Variants in CDC42EP4 observed in about 807,000 individuals in gnomAD.
The protein encoded by CDC42EP4 is CDC42 effector protein (Rho GTPase binding) 4.
A neutral mutation model predicts 5.6 loss-of-function variants in CDC42EP4; 6 were observed. The observed-to-expected ratio is 1.07, with a 90% CI of 0.59 to 2.12. The LOEUF is 2.12. Among genes scored for constraint, CDC42EP4 ranks in the 30% most tolerant of loss-of-function variants. The pLI, the probability that CDC42EP4 is intolerant of heterozygous loss-of-function variation, is 0.00. For missense variants in CDC42EP4, 490 were observed against 508.6 expected, an observed-to-expected ratio of 0.96 and a Z score of 0.35; for synonymous variants, 230 against 224.2, an observed-to-expected ratio of 1.03 and a Z score of -0.23.
In CDC42EP4 at chr17:73,285,741, G is replaced by A; in HGVS notation, c.760C>T (p.Pro254Ser). 6.3e-7 allele frequency: 1 copy of A among 1,588,308 alleles called. No homozygotes were observed. The highest frequency in any genetic ancestry group is 8.6e-7 in the Non-Finnish European group (1 of 1,162,028). ...GAAGTITQAP[P>S]YAVAAPPLAR... ...AGGGGAGGGGCCGCCACGGCGTACG[G>A]GGGAGCCTGGGTGATGGTGCCAGCG... Residue 254 changes from proline to serine, a missense_variant, in exon 2 of 2, where the codon CCG becomes TCG. Physicochemically the swap from Pro to Ser is moderately conservative, Grantham distance 74. Coordinates refer to ENST00000335793, the MANE Select transcript of CDC42EP4 (RefSeq NM_012121.5). This position sits in a 1 kb window ranked among gnomAD's most constrained non-coding sequence, Gnocchi z 6.8.
rs146782509 is a variant in CDC42EP4, at chr17:73,284,478, T to G, written c.*952A>C. On this transcript the variant is annotated 3_prime_UTR_variant, in exon 2 of 2. Transcript: ENST00000335793. ...CCACCCCATGTCATTCTAAATAAAG[T>G]TGGGAAGCACTAAAGTTGAGCTGGT... is the stretch of plus-strand genomic sequence containing the variant. 4 of 152,076 alleles carry G rather than the reference T, an allele frequency of 2.6e-5. No individual in the cohort carries two copies. The allele number at this position is 152,076 out of a possible 1,614,324, so 9.4% of individuals were successfully genotyped here. A position where few individuals can be genotyped will look rare whatever the true frequency, so the allele number is the denominator to read the frequency against.
rs551851422 is a variant in CDC42EP4, at chr17:73,284,742, T to G, written c.*688A>C. On this transcript the variant is annotated 3_prime_UTR_variant, in exon 2 of 2. Coordinates refer to ENST00000335793, the MANE Select transcript of CDC42EP4 (RefSeq NM_012121.5). ...TGAGCGAGTGCCCTAGCCCTGTTCC[T>G]AGTGTCATCCTGGAAGGGTCCCTTC... The G allele has an allele frequency of 6.6e-5, 10 of 152,358 alleles. No individual in the cohort carries two copies. Among genetic ancestry groups the G allele is most frequent in the African/African-American group, 2.2e-4 (9 of 41,574 alleles). The allele number at this position is 152,358 out of a possible 1,614,324, so 9.4% of individuals were successfully genotyped here. A position where few individuals can be genotyped will look rare whatever the true frequency, so the allele number is the denominator to read the frequency against.
rs1478144804 is a variant in CDC42EP4 at position 73,284,872 on chromosome 17, C to T, written c.*558G>A. 2 of 152,288 alleles carry T rather than the reference C, an allele frequency of 1.3e-5. No individual in the cohort carries two copies. The highest frequency in any genetic ancestry group is 2.9e-5 in the Non-Finnish European group (2 of 68,088). 9.4% of individuals were successfully genotyped at this position (152,288 alleles called of 1,614,324 possible). On this transcript the variant is annotated 3_prime_UTR_variant, in exon 2 of 2. Coordinates refer to ENST00000335793, the MANE Select transcript of CDC42EP4 (RefSeq NM_012121.5). ...CACATGCTCGCAGCTGGCCCCCCGT[C>T]CAGCTCAGCTCCAAGGGGCTCCAGA...
chr17:73,294,373 C>CA, intron 1 of CDC42EP4, among the ~76,000 whole-genome samples: 1 of 151,098 alleles, frequency 6.6e-6, no homozygotes, highest in Admixed American at 6.6e-5. Context: ...AACAAAGAAA[C>CA]AAAAAAACAA....
At chr17:73,293,462 A>G (rs1423393072) in intron 1 of CDC42EP4, among the ~76,000 whole-genome samples, 1 of 152,212 alleles carries the variant, frequency 6.6e-6, no homozygotes, top group Non-Finnish European at 1.5e-5. Flanking sequence ...ATGGGACTCC[A>G]GGCCTTCCAG....
At chr17:73,302,617 G>A (rs960588782) in intron 1 of CDC42EP4, among the ~76,000 whole-genome samples, 1 of 152,202 alleles carries the variant, frequency 6.6e-6, no homozygotes, top group Non-Finnish European at 1.5e-5. Context: ...TGGGACTACA[G>A]GTGTGCACCA....
Position 73,285,964 on chromosome 17 carries a change from G to C in CDC42EP4, c.537C>G (p.Leu179=). ...AAGPHSPDPL[L]DEQAFGDLTD... is the part of the protein sequence containing the mutation. ...TCAGATCCCCAAAGGCCTGCTCATC[G>C]AGGAGGGGGTCAGGGGAATGTGGAC... The change falls in exon 2 of 2, where the codon CTC becomes CTG. Residue 179 remains leucine, a synonymous_variant. Coordinates refer to ENST00000335793, the MANE Select transcript of CDC42EP4 (RefSeq NM_012121.5). The surrounding 1 kb of genome is among the most constrained non-coding windows in gnomAD (Gnocchi z 6.8). The C allele has an allele frequency of 6.2e-7, 1 of 1,613,642 alleles. No individual in the cohort carries two copies. Among genetic ancestry groups the C allele is most frequent in the Non-Finnish European group, 8.5e-7 (1 of 1,179,938 alleles).
chr17:73,308,331 T>C lies in CDC42EP4; in HGVS notation c.-113+3562A>G, dbSNP rs138001211. On this transcript the variant is annotated intron_variant, in intron 1 of 1. Coordinates refer to ENST00000335793, the MANE Select transcript of CDC42EP4 (RefSeq NM_012121.5). ...AGCTACGCAGAGCTCAGGTCAGCTC[T>C]GTTTCCAGGGCGAGATTGCTCAACC... Among the ~76,000 whole-genome samples the C allele has an allele frequency of 2.0e-5, 3 of 152,328 alleles. 1 individual carries two copies. In the East Asian group the frequency reaches 5.8e-4, roughly 29 times the overall value.
rs761397581 is a variant in CDC42EP4 at position 73,286,234 on chromosome 17, T to G, written c.267A>C (p.Ser89=). Residue 89 remains serine, a synonymous_variant, in exon 2 of 2, where the codon TCA becomes TCC. Coordinates refer to ENST00000335793, the MANE Select transcript of CDC42EP4 (RefSeq NM_012121.5). The surrounding 1 kb of genome is among the most constrained non-coding windows in gnomAD (Gnocchi z 7.7). ...CCCGCTCCCCCCTGGTCACCGACTGTGACCGCTTGCTGCCCCGGAACTTCC... is the reference window on the plus strand; with the variant it reads ...CCCGCTCCCCCCTGGTCACCGACTGGGACCGCTTGCTGCCCCGGAACTTCC... ...LSRKFRGSKR[S]QSVTRGEREQ... 5 of 1,614,188 alleles carry G rather than the reference T, an allele frequency of 3.1e-6. No individual in the cohort carries two copies. The highest frequency in any genetic ancestry group is 4.2e-6 in the Non-Finnish European group (5 of 1,180,046).
At chr17:73,303,916 G>A (rs576289945) in intron 1 of CDC42EP4, among the ~76,000 whole-genome samples, 2 of 152,294 alleles carry the variant, frequency 1.3e-5, no homozygotes, top group South Asian at 4.1e-4. Context: ...GCTGAGTTAT[G>A]GGAAAACACA....
chr17:73,289,867 G>A lies in CDC42EP4; in HGVS notation c.-112-3255C>T, dbSNP rs540869524. Among the ~76,000 whole-genome samples, 6 of 150,382 alleles carry A rather than the reference G, an allele frequency of 4.0e-5. No individual in the cohort carries two copies. In the South Asian group the frequency reaches 6.3e-4, roughly 16 times the overall value. ...GAAAGGAAGAGAAGAAAGGAAGAAA[G>A]GAAAAGAAAAGCAAGGAAGGAAAGA... On this transcript the variant is annotated intron_variant, in intron 1 of 1. Coordinates refer to ENST00000335793, the MANE Select transcript of CDC42EP4 (RefSeq NM_012121.5).
At chr17:73,303,158 A>G (rs2062227695) in intron 1 of CDC42EP4, among the ~76,000 whole-genome samples, 2 of 150,326 alleles carry the variant, frequency 1.3e-5, no homozygotes, top group Non-Finnish European at 3.0e-5. Flanking sequence ...AGCCTGACCA[A>G]CATGGAGAAA....
chr17:73,286,190 C>T lies in CDC42EP4; in HGVS notation c.311G>A (p.Gly104Asp). Residue 104 changes from glycine to aspartate, a missense_variant, in exon 2 of 2, where the codon GGC (glycine) becomes GAC (aspartate). Physicochemically the swap from Gly to Asp is moderately conservative, Grantham distance 94. Transcript: ENST00000335793. This position sits in a 1 kb window ranked among gnomAD's most constrained non-coding sequence, Gnocchi z 7.7. ...AAACAGGGCCGAGTCCCGCAGGGAG[C>T]CCAGCATGTCACGCTGCTCCCGCTC... ...RGEREQRDML[G>D]SLRDSALFVK... The T allele has an allele frequency of 6.2e-7, 1 of 1,614,142 alleles. No homozygotes were observed. The highest frequency in any genetic ancestry group is 1.3e-5 in the African/African-American group (1 of 75,070).
chr17:73,303,531 G>A (rs1371332225), intron 1 of CDC42EP4, among the ~76,000 whole-genome samples: 1 of 151,820 alleles, frequency 6.6e-6, no homozygotes, highest in African/African-American at 2.4e-5. Context: ...GCGTGGTGGT[G>A]GGTACCTGTA....
intron 1 of CDC42EP4, among the ~76,000 whole-genome samples, chr17:73,296,918 T>G (rs1191369723): frequency 7.4e-6 from 1 of 134,772 alleles, no homozygotes; most frequent in Non-Finnish European, 1.5e-5. Context: ...GAGGCGGAGC[T>G]TGCAGTGAGC....
At chr17:73,297,944 C>T (rs2062197173) in intron 1 of CDC42EP4, among the ~76,000 whole-genome samples, 1 of 151,664 alleles carries the variant, frequency 6.6e-6, no homozygotes, top group South Asian at 2.1e-4. Context: ...CAGGTGTGAG[C>T]CACCGCACCT....
intron 1 of CDC42EP4, among the ~76,000 whole-genome samples, chr17:73,305,676 G>A (rs1168633952): frequency 6.6e-6 from 1 of 152,148 alleles, no homozygotes; most frequent in Non-Finnish European, 1.5e-5. Context: ...CAGAACAATT[G>A]ATAACATTAC....
intron 1 of CDC42EP4, among the ~76,000 whole-genome samples, chr17:73,293,859 ATACACGTGGT>A (rs542720868): frequency 7.2e-5 from 11 of 152,366 alleles, no homozygotes; most frequent in Non-Finnish European, 1.6e-4. Flanking sequence ...GACCGCTTAG[ATACACGTGGT>A]TACATGTTCC....
intron 1 of CDC42EP4, among the ~76,000 whole-genome samples, chr17:73,307,716 G>A (rs2062251478): frequency 6.6e-6 from 1 of 150,778 alleles, no homozygotes; most frequent in African/African-American, 2.4e-5. Flanking sequence ...CCAAAGTGCT[G>A]GGATTACAGG....
Sources: allele counts gnomAD v4.1 joint callset (sites outside exome capture counted in the v4.1 genomes callset), GRCh38; gene constraint gnomAD v4.1.1; non-coding constraint Gnocchi (gnomAD v3.1); transcripts MANE v1.5; gene names NCBI Gene and HGNC (gene_info 2026-07-23, HGNC 2026-07-21).